DNAJC8: variants seen among roughly 807,000 people sequenced by gnomAD.
DNAJC8 encodes dnaJ homolog subfamily C member 8.
In DNAJC8, 24 loss-of-function variants were observed where a neutral mutation model predicts 43.2. The ratio of observed to expected loss-of-function variants is 0.56; its 90% CI spans 0.40 to 0.78. The LOEUF (loss-of-function observed/expected upper bound fraction) is 0.78, where lower values mean the gene tolerates loss of function less well. Ranked by LOEUF, DNAJC8 falls within the 30% of genes least tolerant of loss-of-function variation. The pLI, the probability that DNAJC8 is intolerant of heterozygous loss-of-function variation, is 0.00. For synonymous variants in DNAJC8, 83 were observed against 98.0 expected (o/e 0.85, Z 0.90); for missense variants, 207 against 299.4 (o/e 0.69, Z 2.28).
intron 1 of DNAJC8, among the ~76,000 whole-genome samples, chr1:28,229,633 G>A (rs1198764999): frequency 2.0e-5 from 3 of 151,844 alleles, no homozygotes; most frequent in Non-Finnish European, 2.9e-5. Flanking sequence ...AAATTAGCTG[G>A]GCATGGTGGC....
At chr1:28,210,342 T>C (rs1005456394) in intron 4 of DNAJC8, 10 of 566,858 alleles carry the variant, frequency 1.8e-5, no homozygotes, top group Admixed American at 3.4e-5. Flanking sequence ...AATGATCCTA[T>C]GCAATAACAG....
Position 28,205,298 on chromosome 1 carries a change from T to C in DNAJC8, c.523A>G (p.Ile175Val). ...QTMKLFAELE[I>V]KRKEREAKEM... Reference sequence around the variant, plus strand: ...TTGGCTTCTCTCTCTTTCCTTTTAATTTCCAGCTCTGCAAAGAGTTTCATT... The same window carrying C: ...TTGGCTTCTCTCTCTTTCCTTTTAACTTCCAGCTCTGCAAAGAGTTTCATT... Residue 175 changes from isoleucine (I) to valine (V), a missense_variant, in exon 7 of 9, where the codon ATT (isoleucine) becomes GTT (valine). Ile to Val is a conservative substitution (Grantham distance 29, BLOSUM62 3). This residue lies in a region of DNAJC8 where 159 missense variants were observed against 267.5 expected (regional missense o/e 0.59). Transcript: ENST00000263697. The C allele has an allele frequency of 6.2e-7, 1 of 1,613,744 alleles. No homozygotes were observed. The highest frequency in any genetic ancestry group is 1.1e-5 in the South Asian group (1 of 91,060).
chr1:28,200,356 C>T lies in DNAJC8; in HGVS notation c.*892G>A, dbSNP rs964576113. 2 of 387,222 alleles carry T rather than the reference C, an allele frequency of 5.2e-6. No homozygotes were observed. The highest frequency in any genetic ancestry group is 1.0e-5 in the Non-Finnish European group (2 of 196,626). The allele number at this position is 387,222 out of a possible 1,614,324, so 24.0% of individuals were successfully genotyped here. ...CAGAAATAATAGGATATTGGCAATA[C>T]CCAAGGAGCACTATGGTAGTTACCT... is the stretch of plus-strand genomic sequence containing the variant. On this transcript the variant is annotated 3_prime_UTR_variant, in exon 9 of 9. Transcript: ENST00000263697.
intron 5 of DNAJC8, 79 bp from the exon 6 acceptor site, chr1:28,208,492 T>A: frequency 2.1e-6 from 2 of 955,280 alleles, no homozygotes; most frequent in East Asian, 2.9e-5. Flanking sequence ...ATACAATATA[T>A]TTAACTTTCT....
intron 2 of DNAJC8, among the ~76,000 whole-genome samples, chr1:28,226,364 G>A (rs1459928676): frequency 7.0e-6 from 1 of 142,410 alleles, no homozygotes. Context: ...TTAGCCAGGC[G>A]TGGTGGCACA....
chr1:28,228,865 C>T, intron 2 of DNAJC8, 57 bp downstream of exon 2: 2 of 1,411,660 alleles, frequency 1.4e-6, no homozygotes, highest in Non-Finnish European at 2.0e-6. Context: ...GTAGGTATGC[C>T]TGCAGCTATG....
Position 28,205,301 on chromosome 1 carries a change from C to T in DNAJC8, c.520G>A (p.Glu174Lys), listed in dbSNP as rs1173230228. Residue 174 changes from glutamate (E) to lysine (K), a missense_variant, in exon 7 of 9, where the codon GAA (glutamate) becomes AAA (lysine). This residue lies in a region of DNAJC8 where 159 missense variants were observed against 267.5 expected (regional missense o/e 0.59). Coordinates refer to ENST00000263697, the MANE Select transcript of DNAJC8 (RefSeq NM_014280.3). ...KQTMKLFAEL[E>K]IKRKEREAKE... Reference sequence around the variant, plus strand: ...GCTTCTCTCTCTTTCCTTTTAATTTCCAGCTCTGCAAAGAGTTTCATTGTC... The same window carrying T: ...GCTTCTCTCTCTTTCCTTTTAATTTTCAGCTCTGCAAAGAGTTTCATTGTC... The T allele has an allele frequency of 1.2e-6, 2 of 1,613,632 alleles. No homozygotes were observed. Among genetic ancestry groups the T allele is most frequent in the Non-Finnish European group, 1.7e-6 (2 of 1,179,936 alleles).
At position 28,225,273 on chromosome 1, in the gene DNAJC8, A is replaced by G. The variant is rs777779648; in HGVS notation, c.180+3649T>C. On this transcript the variant is annotated intron_variant, in intron 2 of 8. Coordinates refer to ENST00000263697, the MANE Select transcript of DNAJC8 (RefSeq NM_014280.3). ...TAGAAAAATCACATTAAAGTATATC[A>G]GGGTGATGGACCATCATACTAACAA... 5.3e-5 allele frequency among the ~76,000 whole-genome samples: 8 copies of G among 151,418 alleles called. 1 individual carries two copies. The highest frequency in any genetic ancestry group is 1.2e-4 in the Non-Finnish European group (8 of 67,808).
In DNAJC8 at chr1:28,200,779, T is replaced by A. The variant is rs1248817996; in HGVS notation, c.*469A>T. ...GTGCTCACAAGTGTTCCCTGTCTTA[T>A]CTGGGCCTTCGAAGGGAGCACACCC... On this transcript the variant is annotated 3_prime_UTR_variant, in exon 9 of 9. Coordinates refer to ENST00000263697, the MANE Select transcript of DNAJC8 (RefSeq NM_014280.3). 2.4e-6 allele frequency: 1 copy of A among 412,504 alleles called. No individual in the cohort carries two copies. Among genetic ancestry groups the A allele is most frequent in the Admixed American group, 2.8e-5 (1 of 35,658 alleles). The allele number at this position is 412,504 out of a possible 1,614,324, so 25.6% of individuals were successfully genotyped here.
intron 6 of DNAJC8, among the ~76,000 whole-genome samples, chr1:28,207,566 C>T (rs1646778272): frequency 6.6e-6 from 1 of 150,550 alleles, no homozygotes; most frequent in Non-Finnish European, 1.5e-5. Flanking sequence ...GCCTCAGCCT[C>T]TCGGGTAGTT....
At position 28,201,276 on chromosome 1, in the gene DNAJC8, G is replaced by A. The variant is rs1646731736; in HGVS notation, c.734C>T (p.Pro245Leu). 3 of 1,612,316 alleles carry A rather than the reference G, an allele frequency of 1.9e-6. No individual in the cohort carries two copies. The highest frequency in any genetic ancestry group is 1.7e-6 in the Non-Finnish European group (2 of 1,179,970). Residue 245 changes from proline to leucine, a missense_variant, in exon 9 of 9, where the codon CCG becomes CTG. By Grantham distance (98) the Pro-to-Leu change is moderately conservative. This residue lies in a region of DNAJC8 where 159 missense variants were observed against 267.5 expected (regional missense o/e 0.59). Coordinates refer to ENST00000263697, the MANE Select transcript of DNAJC8 (RefSeq NM_014280.3). ...EKKNRTFLRP[P>L]KVKMEQRE The stretch of plus-strand genomic sequence containing the variant: ...CTCACGTTGCTCCATTTTTACTTTC[G>A]GTGGTCTCAGGAAGGTCCGATTTTT...
intron 2 of DNAJC8, among the ~76,000 whole-genome samples, chr1:28,219,929 A>G (rs1248973341): frequency 6.6e-6 from 1 of 152,074 alleles, no homozygotes; most frequent in African/African-American, 2.4e-5. Context: ...TGCTCACCTC[A>G]GCCTCCCAAA....
chr1:28,219,458 G>A (rs1246328690), intron 2 of DNAJC8, among the ~76,000 whole-genome samples: 2 of 152,170 alleles, frequency 1.3e-5, no homozygotes, highest in South Asian at 2.1e-4. Context: ...GCAGTGAGCC[G>A]AGATCGTGCC....
intron 2 of DNAJC8, among the ~76,000 whole-genome samples, chr1:28,226,157 T>C (rs1404755743): frequency 6.6e-6 from 1 of 151,272 alleles, no homozygotes; most frequent in Non-Finnish European, 1.5e-5. Flanking sequence ...AATTAGAAAG[T>C]AGTTTAGGGA....
At chr1:28,208,823 G>GT (rs1467103993) in intron 5 of DNAJC8, 1 of 153,236 alleles carries the variant, frequency 6.5e-6, no homozygotes, top group South Asian at 2.0e-4. Flanking sequence ...TGTCCAAGTA[G>GT]TTTTTCTGGC....
chr1:28,203,701 C>T (rs1322793128), intron 8 of DNAJC8, 46 bp downstream of exon 8: 1 of 1,594,752 alleles, frequency 6.3e-7, no homozygotes, highest in South Asian at 1.1e-5. Flanking sequence ...AGGAACCAAG[C>T]TGCCTTATTC....
At position 28,205,329 on chromosome 1, in the gene DNAJC8, T is replaced by C; in HGVS notation, c.492A>G (p.Lys164=). Residue 164 remains lysine, a synonymous_variant, in exon 7 of 9, where the codon AAA becomes AAG. Coordinates refer to ENST00000263697, the MANE Select transcript of DNAJC8 (RefSeq NM_014280.3). ...DPELFKQAVY[K]QTMKLFAELE... Reference sequence around the variant, plus strand: ...GCTCTGCAAAGAGTTTCATTGTCTGTTTATATACAGCTTGTTTGAACTACA... The same window carrying C: ...GCTCTGCAAAGAGTTTCATTGTCTGCTTATATACAGCTTGTTTGAACTACA... 6.2e-7 allele frequency: 1 copy of C among 1,610,208 alleles called. No homozygotes were observed.
At chr1:28,219,981 T>G (rs1024006836) in intron 2 of DNAJC8, among the ~76,000 whole-genome samples, 25 of 151,220 alleles carry the variant, frequency 1.7e-4, no homozygotes, top group African/African-American at 6.1e-4. Context: ...CCGGCCTTTC[T>G]ATTCTTTCTT....
chr1:28,224,184 T>C (rs1043398334), intron 2 of DNAJC8, among the ~76,000 whole-genome samples: 2 of 152,190 alleles, frequency 1.3e-5, no homozygotes, highest in African/African-American at 4.8e-5. Flanking sequence ...AAAATTTTGA[T>C]ATGGACAGGA....
Sources: allele counts gnomAD v4.1 joint callset (sites outside exome capture counted in the v4.1 genomes callset), GRCh38; gene constraint gnomAD v4.1.1; regional missense constraint gnomAD v4.1.1; transcripts MANE v1.5; gene names NCBI Gene and HGNC (gene_info 2026-07-23, HGNC 2026-07-21).